The following NTN1 variants were observed in gnomAD, a reference collection of about 807,000 sequenced individuals.
NTN1 encodes the protein netrin-1.
Under a neutral mutation model 54.2 loss-of-function variants are expected in NTN1, and 11 were observed. The observed-to-expected ratio is 0.20, with a 90% confidence interval of 0.13 to 0.34. The LOEUF is 0.34. Among genes scored for constraint, NTN1 ranks in the 10% least tolerant of loss-of-function variants. NTN1 has a pLI of 1.00. For missense variants in NTN1, 740 were observed against 893.1 expected, an observed-to-expected ratio of 0.83 and a Z score of 2.18; for synonymous variants, 371 against 382.0, an observed-to-expected ratio of 0.97 and a Z score of 0.33.
intron 2 of NTN1, among the ~76,000 whole-genome samples, chr17:9,126,945 C>T (rs1283703831): frequency 6.6e-6 from 1 of 151,716 alleles, no homozygotes; most frequent in Non-Finnish European, 1.5e-5. Context: ...AGCAGGGTAC[C>T]ACGTGTCTCA....
At chr17:9,008,730 C>T in the NTN1 span, among the ~76,000 whole-genome samples, 17 of 152,154 alleles carry the variant, frequency 1.1e-4, no homozygotes, top group African/African-American at 3.6e-4. Context: ...GAAGAGAGGG[C>T]GGGAGAACAA....
At chr17:9,123,294 G>C (rs2092236717) in intron 2 of NTN1, among the ~76,000 whole-genome samples, 1 of 152,182 alleles carries the variant, frequency 6.6e-6, no homozygotes, top group African/African-American at 2.4e-5. Flanking sequence ...AAGACAGGTT[G>C]AACATTTTTC....
intron 2 of NTN1, among the ~76,000 whole-genome samples, chr17:9,112,990 G>A (rs537749104): frequency 1.3e-5 from 2 of 151,818 alleles, no homozygotes; most frequent in Non-Finnish European, 2.9e-5. Flanking sequence ...TTCAGTGCTG[G>A]TGAATCAATG....
At chr17:9,008,880 A>G in the NTN1 span, among the ~76,000 whole-genome samples, 1,431 of 152,262 alleles carry the variant, frequency 9.4e-3, 25 homozygotes, top group African/African-American at 0.033. Context: ...AGCTCTACTA[A>G]AAATACAAAA....
chr17:9,011,153 C>T, the NTN1 span, among the ~76,000 whole-genome samples: 5 of 152,114 alleles, frequency 3.3e-5, no homozygotes, highest in South Asian at 2.1e-4. Context: ...GTAATGCGAG[C>T]GATGGGGAGT....
intron 2 of NTN1, among the ~76,000 whole-genome samples, chr17:9,080,885 T>C (rs2092068368): frequency 6.6e-6 from 1 of 152,188 alleles, no homozygotes; most frequent in Non-Finnish European, 1.5e-5. Flanking sequence ...GCATGGAAGC[T>C]CCTCGCCCTT....
chr17:9,113,019 A>ATTTTTTTTTTTT (rs398058563), intron 2 of NTN1, among the ~76,000 whole-genome samples: 1 of 141,938 alleles, frequency 7.0e-6, no homozygotes, highest in African/African-American at 2.6e-5. Flanking sequence ...TGTATACAGA[A>ATTTTTTTTTTTT]TTTTTTTTAT....
rs1421355294 is a variant in NTN1 at position 9,221,934 on chromosome 17, G to T, written c.1486+692G>T. Among the ~76,000 whole-genome samples the T allele has an allele frequency of 6.6e-6, 1 of 152,190 alleles. No individual in the cohort carries two copies. The highest frequency in any genetic ancestry group is 1.5e-5 in the Non-Finnish European group (1 of 68,014). Reference sequence around the variant, plus strand: ...GCCCCGCAGTGGCCAGCGGGCAGGTGTGTGTGAAGAGCTGGGGCTGGTGGC... The same window carrying T: ...GCCCCGCAGTGGCCAGCGGGCAGGTTTGTGTGAAGAGCTGGGGCTGGTGGC... On this transcript the variant is annotated intron_variant, in intron 6 of 6. Transcript: ENST00000173229. The surrounding 1 kb of genome is among the most constrained non-coding windows in gnomAD (Gnocchi z 4.5).
At chr17:9,195,044 A>AC (rs894351366) in intron 5 of NTN1, among the ~76,000 whole-genome samples, 1 of 149,006 alleles carries the variant, frequency 6.7e-6, no homozygotes, top group African/African-American at 2.5e-5. Flanking sequence ...TCTCTCCTAC[A>AC]CCCCCTACCC....
intron 2 of NTN1, among the ~76,000 whole-genome samples, chr17:9,042,514 C>T (rs1366426562): frequency 3.2e-5 from 4 of 125,072 alleles, no homozygotes; most frequent in African/African-American, 5.9e-5. Context: ...GTGAGGCTGG[C>T]GCGGTGGCTC....
chr17:9,198,473 C>G (rs1904696274), intron 5 of NTN1, among the ~76,000 whole-genome samples: 1 of 152,200 alleles, frequency 6.6e-6, no homozygotes, highest in African/African-American at 2.4e-5. Context: ...TCAAGGGGCT[C>G]TGGGCGGGGC....
At chr17:9,191,015 C>A (rs983304002) in intron 5 of NTN1, among the ~76,000 whole-genome samples, 6 of 152,116 alleles carry the variant, frequency 3.9e-5, no homozygotes, top group Non-Finnish European at 8.8e-5. Context: ...TGCTGTATAT[C>A]ACCAATGGAT....
intron 6 of NTN1, among the ~76,000 whole-genome samples, chr17:9,222,853 C>A (rs909404343): frequency 3.3e-5 from 5 of 152,146 alleles, no homozygotes; most frequent in African/African-American, 4.8e-5. Context: ...CTAAAGGAAT[C>A]TGGAGAACTT....
At chr17:9,061,860 C>T (rs914493609) in intron 2 of NTN1, among the ~76,000 whole-genome samples, 2 of 152,062 alleles carry the variant, frequency 1.3e-5, no homozygotes, top group Admixed American at 6.5e-5. Context: ...CCTGCCACCA[C>T]GCTGAGCTAA....
intron 2 of NTN1, among the ~76,000 whole-genome samples, chr17:9,126,096 CAA>C (rs2092246270): frequency 6.6e-6 from 1 of 152,176 alleles, no homozygotes; most frequent in African/African-American, 2.4e-5. Flanking sequence ...GGGGTGGAGA[CAA>C]GAGAAATCCT....
At chr17:9,021,022 AGCCCT>A (rs2091844453), upstream of NTN1, among the ~76,000 whole-genome samples, 1 of 152,146 alleles carries the variant, frequency 6.6e-6, no homozygotes, top group Admixed American at 6.5e-5. Flanking sequence ...ACAGGGGCAC[AGCCCT>A]GTGCGCGGTG....
At chr17:9,051,511 C>T (rs905932072) in intron 2 of NTN1, among the ~76,000 whole-genome samples, 2 of 152,070 alleles carry the variant, frequency 1.3e-5, no homozygotes, top group African/African-American at 4.8e-5. Context: ...GTGTATGTGC[C>T]GGGCTAGTTT....
At chr17:9,237,613 C>T (rs889500520) in intron 6 of NTN1, among the ~76,000 whole-genome samples, 1 of 152,200 alleles carries the variant, frequency 6.6e-6, no homozygotes, top group African/African-American at 2.4e-5. Context: ...CCAGCCCATG[C>T]TGGCTGGGGA....
chr17:9,045,954 A>G (rs1429959564), intron 2 of NTN1, among the ~76,000 whole-genome samples: 2 of 152,248 alleles, frequency 1.3e-5, no homozygotes, highest in African/African-American at 4.8e-5. Context: ...TCATTTCCGT[A>G]TCATCATTAG....
Sources: gnomAD v4.1 joint callset for allele counts (sites outside exome capture counted in the v4.1 genomes callset) on GRCh38, gnomAD v4.1.1 for gene constraint, Gnocchi (gnomAD v3.1) non-coding constraint, MANE v1.5 for transcripts, NCBI Gene and HGNC (gene_info 2026-07-23, HGNC 2026-07-21) for gene names.